Variants in LINGO2 observed in about 807,000 individuals in gnomAD.
LINGO2 encodes leucine-rich repeat and immunoglobulin-like domain-containing nogo receptor-interacting protein 2.
In LINGO2, 14 loss-of-function variants were observed where a neutral mutation model predicts 30.6. The observed-to-expected ratio is 0.46, with a 90% CI of 0.30 to 0.72. LINGO2 has a LOEUF of 0.72. Among genes scored for constraint, LINGO2 ranks in the 30% least tolerant of loss-of-function variants. The pLI is 0.07. For missense variants in LINGO2, 729 were observed against 751.7 expected, an observed-to-expected ratio of 0.97 and a Z score of 0.35; for synonymous variants, 317 against 288.5, an observed-to-expected ratio of 1.10 and a Z score of -1.00.
At chr9:28,602,895 G>C (rs1203349588) in intron 1 of LINGO2, among the ~76,000 whole-genome samples, 1 of 152,030 alleles carries the variant, frequency 6.6e-6, no homozygotes, top group Non-Finnish European at 1.5e-5. Flanking sequence ...ACAGCTGAAA[G>C]CCAAATATGG....
chr9:28,150,162 T>A (rs1469817818), intron 4 of LINGO2, among the ~76,000 whole-genome samples: 10 of 130,684 alleles, frequency 7.7e-5, no homozygotes, highest in Non-Finnish European at 1.5e-4. Flanking sequence ...CCTCACCGTT[T>A]GTAAGGGAGA....
At chr9:28,197,038 A>G (rs1587198606) in intron 4 of LINGO2, among the ~76,000 whole-genome samples, 1 of 152,102 alleles carries the variant, frequency 6.6e-6, no homozygotes, top group East Asian at 1.9e-4. Context: ...AAAGTAACTA[A>G]AAGAGTGGAA....
chr9:28,074,021 T>C (rs57410597), intron 4 of LINGO2, among the ~76,000 whole-genome samples: 3,094 of 152,284 alleles, frequency 0.02, 99 homozygotes, highest in African/African-American at 0.071. Context: ...TGAAAGTTTT[T>C]TGGACAGGAC....
At chr9:28,466,101 T>G (rs1265702627) in intron 2 of LINGO2, among the ~76,000 whole-genome samples, 2 of 152,088 alleles carry the variant, frequency 1.3e-5, no homozygotes, top group Non-Finnish European at 2.9e-5. Flanking sequence ...ATCCAGCTAT[T>G]CCACTGCTAG....
At chr9:28,574,166 G>GT (rs1229106587) in intron 1 of LINGO2, among the ~76,000 whole-genome samples, 1 of 152,162 alleles carries the variant, frequency 6.6e-6, no homozygotes, top group Non-Finnish European at 1.5e-5. Context: ...TTGTTAGCAT[G>GT]TGAGTGTGTG....
chr9:29,079,706 C>T, the LINGO2 span, among the ~76,000 whole-genome samples: 29,955 of 151,652 alleles, frequency 0.2, 3,097 homozygotes, highest in African/African-American at 0.24. Flanking sequence ...ATATAAGCAA[C>T]GAAAGATATG....
chr9:28,420,027 A>G (rs1373465673), intron 2 of LINGO2, among the ~76,000 whole-genome samples: 7 of 152,090 alleles, frequency 4.6e-5, no homozygotes, highest in Non-Finnish European at 8.8e-5. Context: ...GTGCTATAGT[A>G]TATCAAAGTT....
chr9:27,995,607 T>G (rs1366507795), intron 5 of LINGO2, among the ~76,000 whole-genome samples: 4 of 152,194 alleles, frequency 2.6e-5, no homozygotes, highest in African/African-American at 9.6e-5. Context: ...AAAAGCCATA[T>G]GATTATTTGA....
intron 2 of LINGO2, among the ~76,000 whole-genome samples, chr9:28,375,057 A>C (rs1443948452): frequency 1.3e-5 from 2 of 149,378 alleles, no homozygotes; most frequent in East Asian, 3.9e-4. Flanking sequence ...CCACCCAAGA[A>C]ATTCCAACCC....
intron 1 of LINGO2, among the ~76,000 whole-genome samples, chr9:28,616,220 G>A (rs1826125155): frequency 6.6e-6 from 1 of 152,122 alleles, no homozygotes; most frequent in Admixed American, 6.5e-5. Flanking sequence ...TCAAAATACA[G>A]CGTGAACAAA....
At chr9:27,990,421 G>A (rs1358673017) in intron 5 of LINGO2, among the ~76,000 whole-genome samples, 1 of 150,022 alleles carries the variant, frequency 6.7e-6, no homozygotes, top group Non-Finnish European at 1.5e-5. Flanking sequence ...ATGTTGCTGA[G>A]CTTCAGTATC....
the LINGO2 span, among the ~76,000 whole-genome samples, chr9:28,866,604 G>A: frequency 6.6e-6 from 1 of 152,172 alleles, no homozygotes; most frequent in East Asian, 1.9e-4. Flanking sequence ...GTGTGAATTA[G>A]ACTTAAGTGC....
At chr9:28,187,247 T>G (rs141973333) in intron 4 of LINGO2, among the ~76,000 whole-genome samples, 2,061 of 152,076 alleles carry the variant, frequency 0.014, 44 homozygotes, top group African/African-American at 0.047. Context: ...TCTCAGCACT[T>G]TGGGAGGCTG....
chr9:28,458,700 C>T (rs778930156), intron 2 of LINGO2, among the ~76,000 whole-genome samples: 5 of 152,096 alleles, frequency 3.3e-5, no homozygotes, highest in Non-Finnish European at 7.4e-5. Flanking sequence ...TGACCACTGA[C>T]AGGCTCACCT....
intron 3 of LINGO2, among the ~76,000 whole-genome samples, chr9:28,342,361 A>C (rs373680284): frequency 6.6e-6 from 1 of 152,162 alleles, no homozygotes; most frequent in Admixed American, 6.5e-5. Context: ...ATAGTCCAAC[A>C]AACACGCAAA....
At chr9:27,969,095 C>T (rs1820235644) in intron 5 of LINGO2, among the ~76,000 whole-genome samples, 1 of 150,138 alleles carries the variant, frequency 6.7e-6, no homozygotes, top group African/African-American at 2.5e-5. Context: ...ATAAATGGCT[C>T]AGCAAACAGA....
the LINGO2 span, among the ~76,000 whole-genome samples, chr9:28,877,911 A>T: frequency 1.3e-5 from 2 of 152,006 alleles, no homozygotes; most frequent in Admixed American, 6.6e-5. Flanking sequence ...ATTTGTTTGT[A>T]TCCTCTTTTA....
At chr9:29,068,621 C>T in the LINGO2 span, among the ~76,000 whole-genome samples, 3 of 151,798 alleles carry the variant, frequency 2.0e-5, no homozygotes, top group Non-Finnish European at 4.4e-5. Context: ...TTAATGTTTT[C>T]ATTTTAACCT....
chr9:27,989,445 C>CTGTGTG (rs5897262), intron 5 of LINGO2, among the ~76,000 whole-genome samples: 2 of 150,390 alleles, frequency 1.3e-5, no homozygotes, highest in African/African-American at 4.9e-5. Context: ...TGAATGCTCT[C>CTGTGTG]TGTGTGTGTG....
Sources: allele counts gnomAD v4.1 joint callset (sites outside exome capture counted in the v4.1 genomes callset), GRCh38; gene constraint gnomAD v4.1.1; transcripts MANE v1.5; gene names NCBI Gene and HGNC (gene_info 2026-07-23, HGNC 2026-07-21).